RFX3: variants seen among roughly 807,000 people sequenced by gnomAD.
The protein encoded by RFX3 is transcription factor RFX3.
In RFX3, 14 loss-of-function variants were observed where a neutral mutation model predicts 98.6. The observed-to-expected ratio is 0.14, with a 90% CI of 0.09 to 0.22. RFX3 has a LOEUF of 0.22. Ranked by LOEUF, RFX3 falls within the 10% of genes least tolerant of loss-of-function variation. The probability of loss-of-function intolerance (pLI) is 1.00; values close to 1 mark genes in which losing one functional copy is unlikely to be tolerated. For synonymous variants in RFX3, 383 were observed against 328.4 expected, an observed-to-expected ratio of 1.17 and a Z score of -1.80; for missense variants, 639 against 926.9, an observed-to-expected ratio of 0.69 and a Z score of 4.03.
chr9:3,357,612 GA>G (rs908259085), intron 2 of RFX3, among the ~76,000 whole-genome samples: 6 of 151,976 alleles, frequency 3.9e-5, no homozygotes, highest in Admixed American at 3.3e-4. Context: ...AAGGGAGGAT[GA>G]AGAGAAGTTG....
In RFX3 at chr9:3,330,505, C is replaced by T. The variant is rs562377422; in HGVS notation, c.228G>A (p.Thr76=). The change falls in exon 4 of 17, where the codon ACG becomes ACA. Residue 76 remains threonine, a synonymous_variant. Coordinates refer to ENST00000617270, the MANE Select transcript of RFX3 (RefSeq NM_001282116.2). ...ACATCTGTGTCTCTGTGTAAGGATA[C>T]GTTGTTGTTCGGCTTTAGAAGAAGA... is the stretch of plus-strand genomic sequence containing the variant. ...VYTNGAIRTT[T]YPYTETQMYS... 4.0e-5 allele frequency: 65 copies of T among 1,605,066 alleles called. No homozygotes were observed. Among genetic ancestry groups the T allele is most frequent in the South Asian group, 4.4e-5 (4 of 90,592 alleles).
intron 3 of RFX3, among the ~76,000 whole-genome samples, chr9:3,337,233 T>C (rs547667615): frequency 1.3e-5 from 2 of 152,228 alleles, no homozygotes; most frequent in Admixed American, 6.5e-5. Flanking sequence ...ACCTGTGAAA[T>C]AGATACAATA....
chr9:3,392,518 G>A (rs992283961), intron 2 of RFX3, among the ~76,000 whole-genome samples: 6 of 151,102 alleles, frequency 4.0e-5, no homozygotes, highest in African/African-American at 7.3e-5. Context: ...AAAAAAGTCC[G>A]GAAAGTGAAA....
chr9:3,511,090 T>G (rs946850906), intron 1 of RFX3, among the ~76,000 whole-genome samples: 1 of 152,030 alleles, frequency 6.6e-6, no homozygotes, highest in African/African-American at 2.4e-5. Context: ...ACAATTCCAC[T>G]GAACCCTTTG....
At chr9:3,503,164 G>C (rs992995249) in intron 1 of RFX3, among the ~76,000 whole-genome samples, 2 of 151,954 alleles carry the variant, frequency 1.3e-5, no homozygotes, top group African/African-American at 4.8e-5. Flanking sequence ...ACAGACTCTG[G>C]CCCACAGCTT....
At chr9:3,363,580 G>T (rs992885966) in intron 2 of RFX3, among the ~76,000 whole-genome samples, 2 of 152,148 alleles carry the variant, frequency 1.3e-5, no homozygotes, top group Non-Finnish European at 2.9e-5. Flanking sequence ...TATTAAACCA[G>T]TGCTAACACT....
At chr9:3,421,140 G>C (rs909969324) in intron 1 of RFX3, among the ~76,000 whole-genome samples, 4 of 151,880 alleles carry the variant, frequency 2.6e-5, no homozygotes, top group Non-Finnish European at 5.9e-5. Context: ...CAAACACTGA[G>C]AATAACTATC....
rs1315225452 is a variant in RFX3 at position 3,240,123 on chromosome 9, A to T, written c.1968+7909T>A. ...ACACGGGCTGGCTATGTCTATGTCA[A>T]TATTTTCTGGTATGGAACTCAGGGG... On this transcript the variant is annotated intron_variant, in intron 15 of 16. Coordinates refer to ENST00000617270, the MANE Select transcript of RFX3 (RefSeq NM_001282116.2). Among the ~76,000 whole-genome samples the T allele has an allele frequency of 3.9e-5, 6 of 152,348 alleles. No individual in the cohort carries two copies. In the East Asian group the frequency reaches 1.2e-3, roughly 29 times the overall value.
intron 1 of RFX3, among the ~76,000 whole-genome samples, chr9:3,401,232 G>C (rs1197119429): frequency 6.6e-6 from 1 of 152,166 alleles, no homozygotes; most frequent in African/African-American, 2.4e-5. Context: ...AGATTAATTA[G>C]AATGTTAAAG....
intron 4 of RFX3, among the ~76,000 whole-genome samples, chr9:3,329,768 G>A (rs2991314): frequency 0.17 from 26,392 of 152,050 alleles, 2,371 homozygotes; most frequent in Middle Eastern, 0.22. Flanking sequence ...TGAGAAAATG[G>A]CAAAACTTAC....
Position 3,330,382 on chromosome 9 carries a change from C to A in RFX3, c.351G>T (p.Gly117=), listed in dbSNP as rs199877303. 1.2e-6 allele frequency: 2 copies of A among 1,614,012 alleles called. No individual in the cohort carries two copies. The highest frequency in any genetic ancestry group is 1.1e-5 in the South Asian group (1 of 91,082). The stretch of plus-strand genomic sequence containing the variant: ...GTCCTCCTGTGACGCCCATCTGAAT[C>A]CCACCAGTGCCCACCATACTGTGGG... ...VSSHSMVGTG[G]IQMGVTGGQL... is the part of the protein sequence containing the mutation. Residue 117 remains glycine, a synonymous_variant, in exon 4 of 17, where the codon GGG becomes GGT. Coordinates refer to ENST00000617270, the MANE Select transcript of RFX3 (RefSeq NM_001282116.2).
rs1223224337 is a variant in RFX3 at position 3,482,216 on chromosome 9, T to G, written c.-9+43531A>C. ...CATTACCATTAAAAGATGTTCAAAA[T>G]ATGAGTGTGAAAGTAAAAAAAAAAT... On this transcript the variant is annotated intron_variant, in intron 1 of 16. Coordinates refer to ENST00000617270, the MANE Select transcript of RFX3 (RefSeq NM_001282116.2). Among the ~76,000 whole-genome samples the G allele has an allele frequency of 4.0e-5, 6 of 150,232 alleles. No homozygotes were observed. The East Asian group carries it at 1.3e-3, about 32-fold the overall frequency.
At chr9:3,287,278 G>A (rs1180105512) in intron 7 of RFX3, among the ~76,000 whole-genome samples, 5 of 151,844 alleles carry the variant, frequency 3.3e-5, no homozygotes, top group African/African-American at 1.2e-4. Flanking sequence ...ATTACACTGG[G>A]ACCTATGCAG....
intron 3 of RFX3, among the ~76,000 whole-genome samples, chr9:3,331,639 C>G (rs1182703015): frequency 3.9e-5 from 6 of 152,036 alleles, no homozygotes; most frequent in African/African-American, 1.4e-4. Flanking sequence ...TCCTTTTCCA[C>G]TTTTTGCTTT....
intron 2 of RFX3, among the ~76,000 whole-genome samples, chr9:3,350,233 T>A (rs1243238900): frequency 6.6e-6 from 1 of 152,160 alleles, no homozygotes; most frequent in Non-Finnish European, 1.5e-5. Context: ...TAAGGATTGT[T>A]ATCCAAAATT....
intron 1 of RFX3, among the ~76,000 whole-genome samples, chr9:3,477,606 C>G (rs1702277101): frequency 6.6e-6 from 1 of 152,124 alleles, no homozygotes. Flanking sequence ...TCTTTAAATT[C>G]AACTATGATG....
At chr9:3,280,293 G>A (rs2991312) in intron 7 of RFX3, among the ~76,000 whole-genome samples, 2,310 of 151,938 alleles carry the variant, frequency 0.015, 53 homozygotes, top group African/African-American at 0.052. Flanking sequence ...TACAGCTCAT[G>A]TACAAGAGGG....
At chr9:3,256,354 T>A (rs999847890) in intron 14 of RFX3, among the ~76,000 whole-genome samples, 20 of 148,544 alleles carry the variant, frequency 1.3e-4, no homozygotes, top group Admixed American at 2.7e-4. Context: ...TTTTTTTTTT[T>A]ACATTAATTC....
intron 4 of RFX3, among the ~76,000 whole-genome samples, chr9:3,309,952 G>A (rs1586980068): frequency 6.6e-6 from 1 of 152,152 alleles, no homozygotes; most frequent in South Asian, 2.1e-4. Context: ...GAGGATCACT[G>A]GCAGAATAAA....
Sources: gnomAD v4.1 joint callset for allele counts (sites outside exome capture counted in the v4.1 genomes callset) on GRCh38, gnomAD v4.1.1 for gene constraint, MANE v1.5 for transcripts, NCBI Gene and HGNC (gene_info 2026-07-23, HGNC 2026-07-21) for gene names.